The following NUP153 variants were observed in gnomAD, a reference collection of about 807,000 sequenced individuals.
NUP153 encodes nucleoporin 153.
Under a neutral mutation model 134.6 loss-of-function variants are expected in NUP153, and 27 were observed. That is an observed-to-expected ratio of 0.20 (90% CI 0.15 to 0.28). The LOEUF is 0.28. Among genes scored for constraint, NUP153 ranks in the 10% least tolerant of loss-of-function variants. The pLI is 1.00. For synonymous variants in NUP153, 640 were observed against 623.5 expected (o/e 1.03, Z -0.40); for missense variants, 1,821 against 1,731.3 (o/e 1.05, Z -0.92).
chr6:17,690,362 A>T (rs1410933038), intron 1 of NUP153, among the ~76,000 whole-genome samples: 1 of 151,498 alleles, frequency 6.6e-6, no homozygotes, highest in African/African-American at 2.4e-5. Context: ...CCTGGGCGAC[A>T]GAGCGAGACT....
rs117754623 is a variant in NUP153 at position 17,685,706 on chromosome 6, T to C, written c.334+2690A>G. On this transcript the variant is annotated intron_variant, in intron 2 of 21. Transcript: ENST00000262077. ...GTCATGCTAATGTAAATAAACTCAG[T>C]GTTACCAGTCATGTAAAACTAGAGC... Among the ~76,000 whole-genome samples the C allele has an allele frequency of 4.1e-3, 628 of 152,300 alleles. 10 individuals are homozygous for C. In the East Asian group the frequency reaches 0.072, roughly 18 times the overall value.
intron 13 of NUP153, 77 bp from the exon 14 acceptor site, chr6:17,646,231 G>A (rs529047552): frequency 2.2e-5 from 16 of 729,150 alleles, no homozygotes; most frequent in African/African-American, 1.4e-4. Flanking sequence ...CCCCCGAGAC[G>A]GAGTCTTACT....
At chr6:17,647,447 G>T (rs1766256720) in intron 13 of NUP153, among the ~76,000 whole-genome samples, 1 of 152,134 alleles carries the variant, frequency 6.6e-6, no homozygotes, top group African/African-American at 2.4e-5. Flanking sequence ...GGGATAATGG[G>T]GAAATCTGAA....
In NUP153 at chr6:17,630,793, CAGGAGAGAAGAGAG is replaced by C. The variant is rs918619481; in HGVS notation, c.2660-1268_2660-1255del. On this transcript the variant is annotated intron_variant, in intron 17 of 21. Coordinates refer to ENST00000262077, the MANE Select transcript of NUP153 (RefSeq NM_005124.4). ...AGGGGAGAGGAGAGAAGAGAGAAGA[CAGGAGAGAAGAGAG>C]AGGAGAGAAGAGAAAAGAGAAGAGA... 1.4e-4 allele frequency among the ~76,000 whole-genome samples: 21 copies of C among 146,714 alleles called. No individual in the cohort carries two copies. The East Asian group carries it at 3.1e-3, about 21-fold the overall frequency.
In NUP153 at chr6:17,627,495, G is replaced by A. The variant is rs1765004980; in HGVS notation, c.3544+1160C>T. 3.3e-5 allele frequency among the ~76,000 whole-genome samples: 5 copies of A among 151,970 alleles called. No homozygotes were observed. The South Asian group carries it at 1.0e-3, about 32-fold the overall frequency. On this transcript the variant is annotated intron_variant, in intron 18 of 21. Transcript: ENST00000262077. ...TTTGCCTTTGTGTTGGTGTTTTTTTGTTGTTGTTGGGTTTTCTTGAGACAG... is the reference window on the plus strand; with the variant it reads ...TTTGCCTTTGTGTTGGTGTTTTTTTATTGTTGTTGGGTTTTCTTGAGACAG...
intron 16 of NUP153, among the ~76,000 whole-genome samples, chr6:17,635,104 CTTTTTTTTTTT>C (rs59700511): frequency 9.6e-6 from 1 of 104,262 alleles, no homozygotes; most frequent in Non-Finnish European, 1.8e-5. Flanking sequence ...CTTGGCTTAT[CTTTTTTTTTTT>C]TTTTTTTTTT....
chr6:17,634,480 A>C (rs1765419533), intron 16 of NUP153, among the ~76,000 whole-genome samples: 2 of 151,526 alleles, frequency 1.3e-5, no homozygotes, highest in Non-Finnish European at 1.5e-5. Flanking sequence ...TCTGTTGCCC[A>C]GGGTGGAGTA....
intron 11 of NUP153, among the ~76,000 whole-genome samples, chr6:17,655,208 T>C (rs1359890276): frequency 6.6e-6 from 1 of 152,206 alleles, no homozygotes; most frequent in Non-Finnish European, 1.5e-5. Flanking sequence ...CTACAATCCT[T>C]GCACATTTTA....
chr6:17,679,972 A>G (rs2113839643), intron 2 of NUP153, among the ~76,000 whole-genome samples: 1 of 152,326 alleles, frequency 6.6e-6, no homozygotes, highest in Middle Eastern at 3.4e-3. Context: ...CATCGCAACC[A>G]GATATGCTGC....
chr6:17,631,022 C>G (rs897302034), intron 17 of NUP153, among the ~76,000 whole-genome samples: 1 of 152,176 alleles, frequency 6.6e-6, no homozygotes, highest in Non-Finnish European at 1.5e-5. Flanking sequence ...CATGAATTAA[C>G]AGCTACAGAA....
chr6:17,621,882 C>T (rs1297320277), intron 20 of NUP153, among the ~76,000 whole-genome samples: 1 of 152,076 alleles, frequency 6.6e-6, no homozygotes, highest in Non-Finnish European at 1.5e-5. Context: ...GATGGATATC[C>T]TAAATGCCCT....
chr6:17,625,755 C>CT lies in NUP153; in HGVS notation c.3901+52dup. ...ATGATATTCGCTAAGAACTGACACA[C>CT]TAATAAGTAAAGTCCATCCAATTAC... On this transcript the variant is annotated intron_variant, in intron 19 of 21. Transcript: ENST00000262077. This position sits in a 1 kb window ranked among gnomAD's most constrained non-coding sequence, Gnocchi z 4.7. The CT allele has an allele frequency of 7.4e-7, 1 of 1,353,462 alleles. No individual in the cohort carries two copies. The highest frequency in any genetic ancestry group is 1.2e-5 in the South Asian group (1 of 81,036). 83.8% of individuals were successfully genotyped at this position (1,353,462 alleles called of 1,614,324 possible). A position where few individuals can be genotyped will look rare whatever the true frequency, so the allele number is the denominator to read the frequency against.
chr6:17,701,844 G>GGGGGAA (rs1554148666), intron 1 of NUP153, among the ~76,000 whole-genome samples: 2 of 81,754 alleles, frequency 2.4e-5, no homozygotes, highest in African/African-American at 4.3e-5. Flanking sequence ...GGGGGGGGGG[G>GGGGGAA]AAAAAAGCTA....
Position 17,661,784 on chromosome 6 carries a change from C to T in NUP153, c.1269-5G>A. On this transcript the variant is annotated splice_region_variant and splice_polypyrimidine_tract_variant and intron_variant, in intron 10 of 21. Coordinates refer to ENST00000262077, the MANE Select transcript of NUP153 (RefSeq NM_005124.4). Reference sequence around the variant, plus strand: ...AAATTTGGATATGAAAAGCCACTGGCAAATAAAAAGAAAATTAAAACAACT... The same window carrying T: ...AAATTTGGATATGAAAAGCCACTGGTAAATAAAAAGAAAATTAAAACAACT... The T allele has an allele frequency of 6.2e-7, 1 of 1,608,250 alleles. No individual in the cohort carries two copies. Among genetic ancestry groups the T allele is most frequent in the Non-Finnish European group, 8.5e-7 (1 of 1,178,092 alleles).
intron 5 of NUP153, 80 bp from the exon 6 acceptor site, chr6:17,669,626 T>C (rs1767775870): frequency 6.3e-6 from 6 of 949,892 alleles, no homozygotes; most frequent in South Asian, 1.3e-5. Flanking sequence ...ATTTACAAGA[T>C]AGAATGGATG....
rs776378779 is a variant in NUP153 at position 17,628,643 on chromosome 6, GT to G, written c.3544+11del. On this transcript the variant is annotated intron_variant, in intron 18 of 21. Transcript: ENST00000262077. The surrounding 1 kb of genome is among the most constrained non-coding windows in gnomAD (Gnocchi z 5.4). ...AAAATAATAATAATAATAATAAAAAGTTAATACTTACCAGCTGTAGTACTAG... is the reference window on the plus strand; with the variant it reads ...AAAATAATAATAATAATAATAAAAAGTAATACTTACCAGCTGTAGTACTAG... The G allele has an allele frequency of 7.3e-7, 1 of 1,367,632 alleles. No individual in the cohort carries two copies. The highest frequency in any genetic ancestry group is 1.8e-5 in the South Asian group (1 of 55,530). 84.7% of individuals were successfully genotyped at this position (1,367,632 alleles called of 1,614,324 possible).
At position 17,628,594 on chromosome 6, in the gene NUP153, G is replaced by T; in HGVS notation, c.3544+61C>A. On this transcript the variant is annotated intron_variant, in intron 18 of 21. Coordinates refer to ENST00000262077, the MANE Select transcript of NUP153 (RefSeq NM_005124.4). This position sits in a 1 kb window ranked among gnomAD's most constrained non-coding sequence, Gnocchi z 5.4. ...CTTGCTGCATCTGTCAAGGCAACTT[G>T]TAAAACGACAACTTGTAAAAAAAAA... The T allele has an allele frequency of 1.0e-6, 1 of 969,184 alleles. No homozygotes were observed. Among genetic ancestry groups the T allele is most frequent in the Non-Finnish European group, 1.3e-6 (1 of 769,712 alleles). The allele number at this position is 969,184 out of a possible 1,614,324, so 60.0% of individuals were successfully genotyped here.
chr6:17,649,045 TTACTA>T (rs1766366628), intron 12 of NUP153, 113 bp downstream of exon 12: 1 of 935,260 alleles, frequency 1.1e-6, no homozygotes, highest in African/African-American at 1.7e-5. Flanking sequence ...ATTTCTCTGT[TTACTA>T]TGTTATTAAT....
At chr6:17,652,699 A>G (rs1279031847) in intron 11 of NUP153, among the ~76,000 whole-genome samples, 2 of 152,212 alleles carry the variant, frequency 1.3e-5, no homozygotes, top group African/African-American at 4.8e-5. Flanking sequence ...ACCTAGGTCC[A>G]AAATTTATAA....
Sources: allele counts gnomAD v4.1 joint callset (sites outside exome capture counted in the v4.1 genomes callset), GRCh38; gene constraint gnomAD v4.1.1; non-coding constraint Gnocchi (gnomAD v3.1); transcripts MANE v1.5; gene names NCBI Gene and HGNC (gene_info 2026-07-23, HGNC 2026-07-21).